ASNS: variants seen among roughly 807,000 people sequenced by gnomAD.
ASNS encodes asparagine synthetase [glutamine-hydrolyzing].
Under a neutral mutation model 62.6 loss-of-function variants are expected in ASNS, and 37 were observed. The observed-to-expected ratio is 0.59, with a 90% CI of 0.45 to 0.78. The LOEUF (loss-of-function observed/expected upper bound fraction) is 0.78. ASNS is among the 30% of genes least tolerant of loss of function. The pLI, the probability that ASNS is intolerant of heterozygous loss-of-function variation, is 0.00. For missense variants in ASNS, 520 were observed against 682.4 expected, an observed-to-expected ratio of 0.76 and a Z score of 2.65; for synonymous variants, 207 against 237.9, an observed-to-expected ratio of 0.87 and a Z score of 1.19.
At position 97,864,076 on chromosome 7, in the gene ASNS, T is replaced by C. The variant is rs567524546; in HGVS notation, c.487+183A>G. ...GCACTAAAGAATCATCCTTCAAGGA[T>C]TACAGAATTTAAGTGCTGAAAAGGA... On this transcript the variant is annotated intron_variant, in intron 4 of 12. Coordinates refer to ENST00000394308, the MANE Select transcript of ASNS (RefSeq NM_001673.5). 2.2e-5 allele frequency: 12 copies of C among 557,728 alleles called. No individual in the cohort carries two copies. The South Asian group carries it at 3.2e-4, about 15-fold the overall frequency. 34.5% of individuals were successfully genotyped at this position (557,728 alleles called of 1,614,324 possible).
At chr7:97,903,715 C>T in the ASNS span, among the ~76,000 whole-genome samples, 2 of 152,214 alleles carry the variant, frequency 1.3e-5, no homozygotes, top group African/African-American at 4.8e-5. Context: ...GTGAGCTACA[C>T]ATATTGATCA....
At chr7:97,884,553 A>C in the ASNS span, among the ~76,000 whole-genome samples, 2 of 152,086 alleles carry the variant, frequency 1.3e-5, no homozygotes, top group Non-Finnish European at 2.9e-5. Flanking sequence ...CCGTCTCCAA[A>C]AAAAAGTCCC....
chr7:97,864,150 A>G (rs1791849430), intron 4 of ASNS, 109 bp downstream of exon 4: 2 of 930,960 alleles, frequency 2.1e-6, no homozygotes, highest in Non-Finnish European at 3.2e-6. Flanking sequence ...CTCATAACTT[A>G]GTCACTTGTA....
At chr7:97,867,905 A>C (rs1171406508) in intron 3 of ASNS, among the ~76,000 whole-genome samples, 1 of 152,252 alleles carries the variant, frequency 6.6e-6, no homozygotes, top group African/African-American at 2.4e-5. Context: ...AAAATGTCCA[A>C]AATGTGATTA....
chr7:97,910,944 T>C, the ASNS span, among the ~76,000 whole-genome samples: 1 of 152,156 alleles, frequency 6.6e-6, no homozygotes, highest in Non-Finnish European at 1.5e-5. Flanking sequence ...AGCTTAGACA[T>C]CAGGGCTAAC....
chr7:97,854,813 C>G, intron 9 of ASNS, 133 bp from the exon 10 acceptor site: 1 of 1,502,958 alleles, frequency 6.7e-7, no homozygotes, highest in Non-Finnish European at 9.0e-7. Flanking sequence ...AATAACTGAA[C>G]AGAGGTAAGC....
the ASNS span, among the ~76,000 whole-genome samples, chr7:97,921,480 C>T: frequency 1.1e-4 from 17 of 152,262 alleles, no homozygotes; most frequent in East Asian, 2.3e-3. Context: ...CTGGTTGTGG[C>T]GTGTGGGCTA....
chr7:97,916,852 C>T, the ASNS span, among the ~76,000 whole-genome samples: 1 of 152,218 alleles, frequency 6.6e-6, no homozygotes, highest in African/African-American at 2.4e-5. Context: ...GATGGGATAG[C>T]TCCTGCCACC....
chr7:97,903,969 T>A, the ASNS span, among the ~76,000 whole-genome samples: 10 of 151,916 alleles, frequency 6.6e-5, no homozygotes, highest in Non-Finnish European at 1.2e-4. Context: ...AAAAGGGGGG[T>A]TCTGCCACTA....
chr7:97,864,329 TG>T lies in ASNS; in HGVS notation c.416del (p.Thr139AsnfsTer11), dbSNP rs1562820357. 6.2e-7 allele frequency: 1 copy of T among 1,613,810 alleles called. No individual in the cohort carries two copies. The highest frequency in any genetic ancestry group is 1.1e-5 in the South Asian group (1 of 91,076). ...CTTTAAACAAAGGTCTGACTCCATATGTATCTCTACCCAGGAACACTTTCTT... is the reference window on the plus strand; with the variant it reads ...CTTTAAACAAAGGTCTGACTCCATATTATCTCTACCCAGGAACACTTTCTT... ...ANKKVFLGRD[T>X]YGVRPLFKAM... On this transcript the variant is annotated frameshift_variant, in exon 4 of 13. Coordinates refer to ENST00000394308, the MANE Select transcript of ASNS (RefSeq NM_001673.5). LOFTEE classifies it high-confidence loss of function.
At chr7:97,895,397 A>G in the ASNS span, among the ~76,000 whole-genome samples, 4 of 152,252 alleles carry the variant, frequency 2.6e-5, no homozygotes, top group African/African-American at 9.6e-5. Flanking sequence ...AAGAAATAAA[A>G]GGCATCCAAA....
rs1448124557 is a variant in ASNS at position 97,851,984 on chromosome 7, G to C, written c.*275C>G. On this transcript the variant is annotated 3_prime_UTR_variant, in exon 13 of 13. Coordinates refer to ENST00000394308, the MANE Select transcript of ASNS (RefSeq NM_001673.5). ...TGCAAATGTCATCTAAAGCAGCTCT[G>C]CCAGGAGAGGGCTGTGAGTTCTTGC... is the stretch of plus-strand genomic sequence containing the variant. The C allele has an allele frequency of 2.4e-6, 1 of 420,458 alleles. No homozygotes were observed. The highest frequency in any genetic ancestry group is 4.4e-6 in the Non-Finnish European group (1 of 229,084). 26.0% of individuals were successfully genotyped at this position (420,458 alleles called of 1,614,324 possible).
intron 5 of ASNS, 73 bp downstream of exon 5, chr7:97,859,140 T>C (rs1370477268): frequency 6.6e-7 from 1 of 1,524,780 alleles, no homozygotes; most frequent in Non-Finnish European, 8.8e-7. Flanking sequence ...ATCATTCAAA[T>C]GATGGGAGAA....
chr7:97,906,504 A>G, the ASNS span: 1 of 175,058 alleles, frequency 5.7e-6, no homozygotes, highest in African/African-American at 2.4e-5. Context: ...TTCCACAAAT[A>G]CAATTTTCAC....
At chr7:97,862,713 G>A (rs1383173013) in intron 4 of ASNS, among the ~76,000 whole-genome samples, 1 of 151,964 alleles carries the variant, frequency 6.6e-6, no homozygotes, top group Non-Finnish European at 1.5e-5. Flanking sequence ...GGGCACTGTA[G>A]GGGGAGCATA....
At position 97,869,114 on chromosome 7, in the gene ASNS, A is replaced by C; in HGVS notation, c.43T>G (p.Ser15Ala). 6.2e-7 allele frequency: 1 copy of C among 1,614,244 alleles called. No homozygotes were observed. The highest frequency in any genetic ancestry group is 8.5e-7 in the Non-Finnish European group (1 of 1,180,048). The change falls in exon 3 of 13, where the codon TCT becomes GCT. Residue 15 changes from serine to alanine, a missense_variant. By Grantham distance (99) the Ser-to-Ala change is moderately conservative (BLOSUM62 1). Transcript: ENST00000394308. ...TTCATAGCACTCAGACACTGAACAG[A>C]AAGGCAATCATCACTGCCAAACAGC... is the stretch of plus-strand genomic sequence containing the variant. ...WALFGSDDCLSVQCLSAMKIA... is the reference protein window; with the variant it reads ...WALFGSDDCLAVQCLSAMKIA...
intron 8 of ASNS, 22 bp downstream of exon 8, chr7:97,856,668 T>G (rs1259504231): frequency 6.5e-7 from 1 of 1,528,174 alleles, no homozygotes; most frequent in Non-Finnish European, 8.8e-7. Context: ...GCTTTTTATT[T>G]AAGAATATCA....
chr7:97,916,064 G>A, the ASNS span, among the ~76,000 whole-genome samples: 1 of 152,162 alleles, frequency 6.6e-6, no homozygotes, highest in African/African-American at 2.4e-5. Context: ...CTAGATGCTT[G>A]AAGTCATGAT....
the ASNS span, chr7:97,908,735 T>A: frequency 6.6e-6 from 1 of 152,204 alleles, no homozygotes; most frequent in Non-Finnish European, 1.5e-5. Flanking sequence ...ACACAACATT[T>A]AAAATAATCA....
Sources: allele counts gnomAD v4.1 joint callset (sites outside exome capture counted in the v4.1 genomes callset), GRCh38; gene constraint gnomAD v4.1.1; transcripts MANE v1.5; gene names NCBI Gene and HGNC (gene_info 2026-07-23, HGNC 2026-07-21).